STAM2: variants seen among roughly 807,000 people sequenced by gnomAD.
STAM2 encodes the protein signal transducing adapter molecule 2.
In STAM2, 51 loss-of-function variants were observed where a neutral mutation model predicts 65.6. The ratio of observed to expected loss-of-function variants is 0.78; its 90% CI spans 0.62 to 0.98. The LOEUF (loss-of-function observed/expected upper bound fraction) is 0.98. Ranked by LOEUF, STAM2 falls within the 50% of genes least tolerant of loss-of-function variation. The pLI is 0.00. For synonymous variants in STAM2, 198 were observed against 208.4 expected, an observed-to-expected ratio of 0.95 and a Z score of 0.43; for missense variants, 584 against 617.8, an observed-to-expected ratio of 0.95 and a Z score of 0.58.
chr2:152,146,016 T>A (rs1380414127), intron 5 of STAM2, among the ~76,000 whole-genome samples: 2 of 152,116 alleles, frequency 1.3e-5, no homozygotes, highest in Non-Finnish European at 2.9e-5. Context: ...ATGCCTGTAA[T>A]CCCAGCACTT....
chr2:152,153,880 T>TTACA (rs758772344), intron 1 of STAM2, among the ~76,000 whole-genome samples: 1 of 86,350 alleles, frequency 1.2e-5, no homozygotes, highest in Non-Finnish European at 2.6e-5. Flanking sequence ...CTTCCAGACA[T>TTACA]TACATACACA....
chr2:152,175,379 G>A (rs1198470862), intron 1 of STAM2, among the ~76,000 whole-genome samples: 2 of 152,202 alleles, frequency 1.3e-5, no homozygotes, highest in African/African-American at 4.8e-5. Context: ...ACGGCCCTTT[G>A]AGGGTCCCCA....
Position 152,133,487 on chromosome 2 carries a change from A to G in STAM2, c.800-3T>C. 1.9e-6 allele frequency: 3 copies of G among 1,607,976 alleles called. No individual in the cohort carries two copies. Among genetic ancestry groups the G allele is most frequent in the Non-Finnish European group, 2.5e-6 (3 of 1,177,346 alleles). ...TACATTCAATTTGTCCACAGCCGCTATAGAAACAAAGTAATTTTAAGTTCC... is the reference window on the plus strand; with the variant it reads ...TACATTCAATTTGTCCACAGCCGCTGTAGAAACAAAGTAATTTTAAGTTCC... On this transcript the variant is annotated splice_polypyrimidine_tract_variant and splice_region_variant and intron_variant, in intron 8 of 13. Transcript: ENST00000263904.
intron 1 of STAM2, among the ~76,000 whole-genome samples, chr2:152,161,940 A>T (rs758046544): frequency 2.6e-5 from 4 of 151,820 alleles, no homozygotes; most frequent in Non-Finnish European, 5.9e-5. Context: ...TTCCTGCCTC[A>T]GCCTCTGGAG....
chr2:152,126,197 T>C, intron 12 of STAM2, 29 bp downstream of exon 12: 2 of 1,544,420 alleles, frequency 1.3e-6, no homozygotes, highest in Non-Finnish European at 8.7e-7. Flanking sequence ...GTTTATAATT[T>C]AGAAAATGTT....
rs1040838861 is a variant in STAM2 at position 152,119,375 on chromosome 2, C to T, written c.*1199G>A. Reference sequence around the variant, plus strand: ...TTCAATAGCCTCCCTATCAATCTGTCGCCTTCTATGAAGTCTTCACCTGCT... The same window carrying T: ...TTCAATAGCCTCCCTATCAATCTGTTGCCTTCTATGAAGTCTTCACCTGCT... On this transcript the variant is annotated 3_prime_UTR_variant, in exon 14 of 14. Coordinates refer to ENST00000263904, the MANE Select transcript of STAM2 (RefSeq NM_005843.6). 1 of 152,142 alleles carries T rather than the reference C, an allele frequency of 6.6e-6. No homozygotes were observed. The highest frequency in any genetic ancestry group is 6.5e-5 in the Admixed American group (1 of 15,270). The allele number at this position is 152,142 out of a possible 1,614,324, so 9.4% of individuals were successfully genotyped here.
chr2:152,123,930 A>G lies in STAM2; in HGVS notation c.1185T>C (p.Tyr395=), dbSNP rs1171834099. The change falls in exon 13 of 14, where the codon TAT becomes TAC. Residue 395 remains tyrosine (Y), a synonymous_variant. Coordinates refer to ENST00000263904, the MANE Select transcript of STAM2 (RefSeq NM_005843.6). Reference sequence around the variant, plus strand: ...AGTTTCCACCATGTGATTGAACTGGATATGTCTATTAATCAGAAAGAAAAA... The same window carrying G: ...AGTTTCCACCATGTGATTGAACTGGGTATGTCTATTAATCAGAAAGAAAAA... ...PASSGVPMQT[Y]PVQSHGGNYM... The G allele has an allele frequency of 1.2e-6, 2 of 1,613,434 alleles. No individual in the cohort carries two copies. The highest frequency in any genetic ancestry group is 2.2e-5 in the East Asian group (1 of 44,872).
intron 1 of STAM2, among the ~76,000 whole-genome samples, chr2:152,160,271 T>C (rs945435777): frequency 4.2e-5 from 6 of 142,958 alleles, no homozygotes; most frequent in Non-Finnish European, 9.1e-5. Context: ...CGCCATCCCA[T>C]CTAGGAAGTG....
chr2:152,119,296 T>C lies in STAM2; in HGVS notation c.*1278A>G, dbSNP rs576766986. On this transcript the variant is annotated 3_prime_UTR_variant, in exon 14 of 14. Coordinates refer to ENST00000263904, the MANE Select transcript of STAM2 (RefSeq NM_005843.6). The stretch of plus-strand genomic sequence containing the variant: ...TTACTACCAAACTCTCACAGTTATA[T>C]AGAATCTATTAGCACTATAAACTAA... The C allele has an allele frequency of 6.6e-6, 1 of 152,320 alleles. No individual in the cohort carries two copies. Among genetic ancestry groups the C allele is most frequent in the African/African-American group, 2.4e-5 (1 of 41,586 alleles). 9.4% of individuals were successfully genotyped at this position (152,320 alleles called of 1,614,324 possible).
At position 152,143,573 on chromosome 2, in the gene STAM2, C is replaced by T. The variant is rs1225567101; in HGVS notation, c.704+254G>A. On this transcript the variant is annotated intron_variant, in intron 7 of 13. Transcript: ENST00000263904. ...AGTAACTGAGTATTTACATGTTTCC[C>T]AATTGTGGTCATCAACAATATTATT... 2.6e-5 allele frequency among the ~76,000 whole-genome samples: 4 copies of T among 152,154 alleles called. No homozygotes were observed. In the East Asian group the frequency reaches 7.7e-4, roughly 29 times the overall value.
intron 5 of STAM2, among the ~76,000 whole-genome samples, chr2:152,145,167 C>T (rs1215159883): frequency 1.3e-5 from 2 of 152,114 alleles, no homozygotes; most frequent in African/African-American, 4.8e-5. Context: ...AACTCCTGGG[C>T]TCAAGTGATC....
intron 7 of STAM2, among the ~76,000 whole-genome samples, chr2:152,143,534 C>T (rs375990098): frequency 6.6e-6 from 1 of 152,132 alleles, no homozygotes; most frequent in Non-Finnish European, 1.5e-5. Context: ...CAACTGCCAA[C>T]GTAAACATAT....
chr2:152,122,429 T>C (rs949658912), intron 13 of STAM2, among the ~76,000 whole-genome samples: 14 of 152,030 alleles, frequency 9.2e-5, no homozygotes, highest in Admixed American at 5.9e-4. Flanking sequence ...ATAAAAAAAG[T>C]TTCAATAAAA....
chr2:152,141,195 A>C (rs891305445), intron 7 of STAM2, among the ~76,000 whole-genome samples: 3 of 151,130 alleles, frequency 2.0e-5, no homozygotes, highest in African/African-American at 7.3e-5. Context: ...TAAAGCTAAA[A>C]GTGTAGAAAG....
rs1030213226 is a variant in STAM2, at chr2:152,122,145, G to T, written c.1350-1343C>A. 5.3e-5 allele frequency among the ~76,000 whole-genome samples: 8 copies of T among 151,704 alleles called. 1 individual carries two copies. In the South Asian group the frequency reaches 8.3e-4, roughly 16 times the overall value. On this transcript the variant is annotated intron_variant, in intron 13 of 13. Transcript: ENST00000263904. Reference sequence around the variant, plus strand: ...ACATACTATGCCCAGCGGTTTTAGGGCTGAGCTTGGAGGCTTATGGCTTTA... The same window carrying T: ...ACATACTATGCCCAGCGGTTTTAGGTCTGAGCTTGGAGGCTTATGGCTTTA...
intron 1 of STAM2, among the ~76,000 whole-genome samples, chr2:152,166,394 T>C (rs1211315284): frequency 1.3e-5 from 2 of 152,038 alleles, no homozygotes; most frequent in Admixed American, 6.5e-5. Flanking sequence ...AAATGATATA[T>C]CCTTAAGTTT....
rs1688783121 is a variant in STAM2, at chr2:152,118,110, A to T, written c.*2464T>A. 6.6e-6 allele frequency: 1 copy of T among 152,124 alleles called. No homozygotes were observed. The highest frequency in any genetic ancestry group is 1.5e-5 in the Non-Finnish European group (1 of 67,966). 9.4% of individuals were successfully genotyped at this position (152,124 alleles called of 1,614,324 possible). A position where few individuals can be genotyped will look rare whatever the true frequency, so the allele number is the denominator to read the frequency against. Reference sequence around the variant, plus strand: ...ATTCTTTCTGATGTACCAAGATTTCATATGAAAAAGCAGAAGCTATTTTTT... The same window carrying T: ...ATTCTTTCTGATGTACCAAGATTTCTTATGAAAAAGCAGAAGCTATTTTTT... On this transcript the variant is annotated 3_prime_UTR_variant, in exon 14 of 14. Transcript: ENST00000263904.
intron 1 of STAM2, among the ~76,000 whole-genome samples, chr2:152,171,756 G>C (rs1174525321): frequency 1.3e-5 from 2 of 152,222 alleles, no homozygotes; most frequent in Non-Finnish European, 2.9e-5. Flanking sequence ...GGTAGAATTT[G>C]AGCTCAGCTT....
Position 152,160,146 on chromosome 2 carries a change from G to T in STAM2, c.41-9917C>A, listed in dbSNP as rs533761566. Reference sequence around the variant, plus strand: ...CCAAGATTGCAGCCTCTGCCCGGCCGCCACCCCGTCGGGGAAGTGAGGAGC... The same window carrying T: ...CCAAGATTGCAGCCTCTGCCCGGCCTCCACCCCGTCGGGGAAGTGAGGAGC... On this transcript the variant is annotated intron_variant, in intron 1 of 13. Transcript: ENST00000263904. 2.6e-5 allele frequency among the ~76,000 whole-genome samples: 4 copies of T among 152,280 alleles called. No individual in the cohort carries two copies. The East Asian group carries it at 5.8e-4, about 22-fold the overall frequency.
Sources: gnomAD v4.1 joint callset for allele counts (sites outside exome capture counted in the v4.1 genomes callset) on GRCh38, gnomAD v4.1.1 for gene constraint, MANE v1.5 for transcripts, NCBI Gene and HGNC (gene_info 2026-07-23, HGNC 2026-07-21) for gene names.